ANO4: variants seen among roughly 807,000 people sequenced by gnomAD.
ANO4 encodes anoctamin 4.
Under a neutral mutation model 141.9 loss-of-function variants are expected in ANO4, and 69 were observed. The observed-to-expected ratio is 0.49, with a 90% CI of 0.40 to 0.59. The LOEUF (loss-of-function observed/expected upper bound fraction) is 0.59. ANO4 is among the 20% of genes least tolerant of loss of function. The probability of loss-of-function intolerance (pLI) is 0.00; values close to 1 mark genes in which losing one functional copy is unlikely to be tolerated. For synonymous variants in ANO4, 350 were observed against 394.3 expected, an observed-to-expected ratio of 0.89 and a Z score of 1.33; for missense variants, 894 against 1,162.2, an observed-to-expected ratio of 0.77 and a Z score of 3.36.
At chr12:101,104,627 GTATATATA>G (rs1167784816) in intron 22 of ANO4, among the ~76,000 whole-genome samples, 881 of 62,004 alleles carry the variant, frequency 0.014, 14 homozygotes, top group African/African-American at 0.056. Flanking sequence ...ATGTATGTGT[GTATATATA>G]TATATATATA....
At chr12:100,872,658 G>T (rs1428499170) in intron 1 of ANO4, among the ~76,000 whole-genome samples, 1 of 152,134 alleles carries the variant, frequency 6.6e-6, no homozygotes, top group Non-Finnish European at 1.5e-5. Context: ...CCACACAAAT[G>T]ACCTGCTTTT....
At chr12:100,763,597 A>G (rs1214845524) in intron 3 of ANO4, among the ~76,000 whole-genome samples, 1 of 152,234 alleles carries the variant, frequency 6.6e-6, no homozygotes, top group Non-Finnish European at 1.5e-5. Context: ...TCAAATGGGC[A>G]GCTCTTGCCA....
At chr12:100,875,661 CGTG>C (rs2135940235) in intron 1 of ANO4, among the ~76,000 whole-genome samples, 1 of 152,168 alleles carries the variant, frequency 6.6e-6, no homozygotes, top group Admixed American at 6.5e-5. Context: ...AGACAGTAGA[CGTG>C]GTAAAAAGTT....
intron 7 of ANO4, among the ~76,000 whole-genome samples, 162 bp downstream of exon 7, chr12:100,975,051 G>C (rs1019152047): frequency 3.9e-5 from 6 of 151,972 alleles, no homozygotes; most frequent in Admixed American, 2.0e-4. Context: ...AGCCTGAGGA[G>C]AAAAAAAGAT....
intron 5 of ANO4, among the ~76,000 whole-genome samples, chr12:100,965,092 A>G (rs999846119): frequency 1.3e-5 from 2 of 152,124 alleles, no homozygotes; most frequent in East Asian, 1.9e-4. Flanking sequence ...AGTTCACACA[A>G]TGGGATTCAT....
intron 1 of ANO4, among the ~76,000 whole-genome samples, chr12:100,833,430 A>T (rs961107269): frequency 2.0e-5 from 3 of 152,128 alleles, no homozygotes; most frequent in Admixed American, 6.6e-5. Flanking sequence ...TTTCTTACCC[A>T]ATTCATGTTT....
At chr12:100,810,884 G>A (rs957300119) in intron 1 of ANO4, among the ~76,000 whole-genome samples, 1 of 152,086 alleles carries the variant, frequency 6.6e-6, no homozygotes, top group South Asian at 2.1e-4. Flanking sequence ...TTTATTATTT[G>A]TATACTTATG....
chr12:100,752,463 C>T (rs1449582409), intron 3 of ANO4, among the ~76,000 whole-genome samples: 1 of 151,986 alleles, frequency 6.6e-6, no homozygotes, highest in Admixed American at 6.6e-5. Flanking sequence ...CATTCTGTTC[C>T]CCAAAAACAA....
At chr12:101,032,131 C>T (rs576816310) in intron 9 of ANO4, among the ~76,000 whole-genome samples, 3 of 152,234 alleles carry the variant, frequency 2.0e-5, no homozygotes, top group East Asian at 1.9e-4. Flanking sequence ...CCAAGACAAT[C>T]GTAACCAAAA....
At chr12:100,840,062 A>C (rs1007215626) in intron 1 of ANO4, among the ~76,000 whole-genome samples, 2 of 152,018 alleles carry the variant, frequency 1.3e-5, no homozygotes, top group African/African-American at 2.4e-5. Flanking sequence ...TCTCTCATAC[A>C]TATATATGAG....
At chr12:100,879,120 T>C (rs1351929120) in intron 1 of ANO4, among the ~76,000 whole-genome samples, 1 of 152,194 alleles carries the variant, frequency 6.6e-6, no homozygotes, top group African/African-American at 2.4e-5. Flanking sequence ...GGAGCTTGCT[T>C]GATATCAGTG....
intron 3 of ANO4, among the ~76,000 whole-genome samples, chr12:100,776,314 C>T (rs749881013): frequency 7.9e-5 from 12 of 152,080 alleles, no homozygotes; most frequent in African/African-American, 1.7e-4. Flanking sequence ...TTGCTGGAGC[C>T]GAGGCTCTCA....
chr12:100,908,839 G>A (rs2136055965), intron 2 of ANO4, among the ~76,000 whole-genome samples: 1 of 152,258 alleles, frequency 6.6e-6, no homozygotes, highest in South Asian at 2.1e-4. Flanking sequence ...AGAGAATTTG[G>A]GAGTCTTGTA....
intron 1 of ANO4, among the ~76,000 whole-genome samples, chr12:100,725,496 A>G (rs936056518): frequency 4.6e-5 from 7 of 151,744 alleles, no homozygotes; most frequent in Admixed American, 6.6e-5. Context: ...ACAGGCGCCC[A>G]CCACCACGCC....
At chr12:100,723,230 G>A (rs909383074) in intron 1 of ANO4, among the ~76,000 whole-genome samples, 3 of 152,022 alleles carry the variant, frequency 2.0e-5, no homozygotes, top group African/African-American at 7.2e-5. Flanking sequence ...TTTTGTAACA[G>A]TGTCATAGTC....
At chr12:100,988,133 G>A (rs1436503836) in intron 8 of ANO4, among the ~76,000 whole-genome samples, 1 of 152,040 alleles carries the variant, frequency 6.6e-6, no homozygotes, top group Non-Finnish European at 1.5e-5. Context: ...CAGTTCACTG[G>A]GTTGCCTTAG....
chr12:101,014,792 G>A (rs1363352627), intron 8 of ANO4, among the ~76,000 whole-genome samples: 3 of 152,116 alleles, frequency 2.0e-5, no homozygotes, highest in Non-Finnish European at 4.4e-5. Flanking sequence ...AGCAAACCTA[G>A]AACAGAAATG....
intron 18 of ANO4, among the ~76,000 whole-genome samples, chr12:101,096,172 T>A (rs895040077): frequency 6.7e-6 from 1 of 150,256 alleles, no homozygotes; most frequent in African/African-American, 2.4e-5. Flanking sequence ...TAAGCCTGCA[T>A]AGATTAAGAG....
At chr12:100,759,174 C>T (rs2032746398) in intron 3 of ANO4, among the ~76,000 whole-genome samples, 1 of 152,184 alleles carries the variant, frequency 6.6e-6, no homozygotes, top group Non-Finnish European at 1.5e-5. Context: ...ACCATGGACT[C>T]TAACTCAAGT....
Sources: allele counts gnomAD v4.1 joint callset (sites outside exome capture counted in the v4.1 genomes callset), GRCh38; gene constraint gnomAD v4.1.1; transcripts MANE v1.5; gene names NCBI Gene and HGNC (gene_info 2026-07-23, HGNC 2026-07-21).